BCL2L13: variants seen among roughly 807,000 people sequenced by gnomAD.
The protein encoded by BCL2L13 is BCL2 like 13, also known as bcl-2-like protein 13.
Under a neutral mutation model 25.8 loss-of-function variants are expected in BCL2L13, and 13 were observed. The ratio of observed to expected loss-of-function variants is 0.50; its 90% CI spans 0.33 to 0.80. The LOEUF (loss-of-function observed/expected upper bound fraction) is 0.80. Among genes scored for constraint, BCL2L13 ranks in the 30% least tolerant of loss-of-function variants. The pLI, the probability that BCL2L13 is intolerant of heterozygous loss-of-function variation, is 0.02. For missense variants in BCL2L13, 504 were observed against 574.9 expected (o/e 0.88, Z 1.26); for synonymous variants, 244 against 230.3 (o/e 1.06, Z -0.54).
At chr22:17,673,335 A>G (rs974831186) in intron 2 of BCL2L13, among the ~76,000 whole-genome samples, 4 of 151,046 alleles carry the variant, frequency 2.6e-5, no homozygotes, top group Non-Finnish European at 4.4e-5. Context: ...GCCTGATGCA[A>G]TATGACTTCT....
chr22:17,699,856 T>A (rs778203141), intron 5 of BCL2L13, among the ~76,000 whole-genome samples: 1 of 152,154 alleles, frequency 6.6e-6, no homozygotes, highest in Non-Finnish European at 1.5e-5. Context: ...AATTAACTCA[T>A]GGAGCTTTGT....
intron 3 of BCL2L13, among the ~76,000 whole-genome samples, chr22:17,688,169 C>T (rs1025741181): frequency 6.6e-6 from 1 of 152,110 alleles, no homozygotes; most frequent in African/African-American, 2.4e-5. Flanking sequence ...GATGCCCAGG[C>T]TGGTCTCGAA....
In BCL2L13 at chr22:17,693,368, GTTTGTTTTTTT is replaced by G. The variant is rs1238735495; in HGVS notation, c.387-2769_387-2759del. ...TTATTTATTTATTTATTTATTTAGT[GTTTGTTTTTTT>G]TTTTTTTTTTTTTTTTTGGAGACGG... On this transcript the variant is annotated intron_variant, in intron 4 of 6. Transcript: ENST00000317582. Among the ~76,000 whole-genome samples, 457 of 112,222 alleles carry G rather than the reference GTTTGTTTTTTT, an allele frequency of 4.1e-3. 11 individuals carry two copies. The highest frequency in any genetic ancestry group is 0.017 in the African/African-American group (425 of 25,590). The allele number at this position is 112,222 out of a possible 152,430, so 73.6% of individuals were successfully genotyped here.
chr22:17,712,816 A>G (rs570678375), intron 6 of BCL2L13, among the ~76,000 whole-genome samples: 17 of 152,350 alleles, frequency 1.1e-4, no homozygotes, highest in African/African-American at 3.1e-4. Context: ...AACAGTAGCT[A>G]TTTTAATTCA....
chr22:17,686,647 A>G (rs1009640475), intron 3 of BCL2L13, among the ~76,000 whole-genome samples: 1 of 151,004 alleles, frequency 6.6e-6, no homozygotes, highest in African/African-American at 2.4e-5. Flanking sequence ...AGTAGCTGGG[A>G]TTATAGGCGC....
chr22:17,638,522 C>A, upstream of BCL2L13: 1 of 464,052 alleles, frequency 2.2e-6, no homozygotes, highest in Non-Finnish European at 3.5e-6. Flanking sequence ...CAGCGACCAG[C>A]CGGTCAGAAT....
intron 6 of BCL2L13, among the ~76,000 whole-genome samples, chr22:17,715,153 T>C (rs2060895672): frequency 1.8e-4 from 1 of 5,428 alleles, no homozygotes; most frequent in African/African-American, 6.8e-4. Flanking sequence ...TATATATATA[T>C]ATATATATAT....
At chr22:17,707,940 A>G (rs1407329379) in intron 6 of BCL2L13, among the ~76,000 whole-genome samples, 1 of 152,216 alleles carries the variant, frequency 6.6e-6, no homozygotes, top group African/African-American at 2.4e-5. Context: ...ATCATGATGC[A>G]GCCAATTTTT....
At chr22:17,631,699 TATATATA>T (rs1353949501) in intron 1 of BCL2L13, among the ~76,000 whole-genome samples, 13 of 31,362 alleles carry the variant, frequency 4.1e-4, no homozygotes, top group Non-Finnish European at 5.5e-4. Flanking sequence ...TATATATATA[TATATATA>T]TTTTTTTTTT....
chr22:17,666,048 T>C (rs181842974), intron 2 of BCL2L13, among the ~76,000 whole-genome samples: 60 of 152,308 alleles, frequency 3.9e-4, no homozygotes, highest in African/African-American at 1.4e-3. Context: ...TGCTAAACTG[T>C]CTTATGAAGT....
intron 6 of BCL2L13, among the ~76,000 whole-genome samples, chr22:17,714,292 CA>C (rs919815952): frequency 4.9e-5 from 7 of 142,992 alleles, no homozygotes; most frequent in East Asian, 2.1e-4. Context: ...GACTCCGTCT[CA>C]AAAAAAAAAT....
At chr22:17,717,960 G>A (rs577276196) in intron 6 of BCL2L13, among the ~76,000 whole-genome samples, 1 of 152,274 alleles carries the variant, frequency 6.6e-6, no homozygotes, top group African/African-American at 2.4e-5. Flanking sequence ...GATGGTGCAT[G>A]CCTGTGGTCC....
intron 3 of BCL2L13, 140 bp downstream of exon 3, chr22:17,683,461 G>T: frequency 1.8e-6 from 1 of 563,696 alleles, no homozygotes; most frequent in South Asian, 2.3e-5. Flanking sequence ...AAGTTTATAA[G>T]GGTAAAACTA....
chr22:17,671,726 T>G (rs960529032), intron 2 of BCL2L13, among the ~76,000 whole-genome samples: 7 of 152,104 alleles, frequency 4.6e-5, no homozygotes, highest in African/African-American at 1.2e-4. Context: ...GTTTTCTTTT[T>G]CAGACAGAGT....
intron 2 of BCL2L13, among the ~76,000 whole-genome samples, chr22:17,659,833 CATTTA>C (rs2059010378): frequency 6.9e-6 from 1 of 145,764 alleles, no homozygotes; most frequent in African/African-American, 2.4e-5. Flanking sequence ...TTTATACAAA[CATTTA>C]ATTTATTTAT....
chr22:17,655,922 T>C (rs1046386959), intron 2 of BCL2L13, 90 bp downstream of exon 2: 10 of 1,307,896 alleles, frequency 7.6e-6, no homozygotes, highest in Non-Finnish European at 8.3e-6. Flanking sequence ...TGTGTGGTTA[T>C]CAAATAGTAC....
intron 4 of BCL2L13, among the ~76,000 whole-genome samples, chr22:17,691,275 C>A (rs953149061): frequency 1.3e-5 from 2 of 152,178 alleles, no homozygotes; most frequent in Admixed American, 6.5e-5. Context: ...CTGCTTCACT[C>A]CTCTCTCCAC....
chr22:17,667,963 CTTTTT>C (rs71201863), intron 2 of BCL2L13, among the ~76,000 whole-genome samples: 2 of 71,696 alleles, frequency 2.8e-5, no homozygotes, highest in Admixed American at 1.6e-4. Context: ...TCCAGTTTGT[CTTTTT>C]TTTTTTTTTT....
chr22:17,692,549 C>T (rs1183477474), intron 4 of BCL2L13, among the ~76,000 whole-genome samples: 1 of 152,100 alleles, frequency 6.6e-6, no homozygotes, highest in Non-Finnish European at 1.5e-5. Flanking sequence ...GCTACTTAGC[C>T]CAAGGCATCT....
Sources: gnomAD v4.1 joint callset for allele counts (sites outside exome capture counted in the v4.1 genomes callset) on GRCh38, gnomAD v4.1.1 for gene constraint, MANE v1.5 for transcripts, NCBI Gene and HGNC (gene_info 2026-07-23, HGNC 2026-07-21) for gene names.